RANBP2: variants seen among roughly 807,000 people sequenced by gnomAD.
The protein encoded by RANBP2 is E3 SUMO-protein ligase RanBP2.
RANBP2 carries 57 observed loss-of-function variants against 303.6 expected under a neutral mutation model. That is an observed-to-expected ratio of 0.19 (90% CI 0.15 to 0.23). The LOEUF is 0.23. Ranked by LOEUF, RANBP2 falls within the 10% of genes least tolerant of loss-of-function variation. The pLI, the probability that RANBP2 is intolerant of heterozygous loss-of-function variation, is 1.00. For synonymous variants in RANBP2, 1,167 were observed against 1,301.5 expected, an observed-to-expected ratio of 0.90 and a Z score of 2.23; for missense variants, 3,138 against 3,780.8, an observed-to-expected ratio of 0.83 and a Z score of 4.46.
the RANBP2 span, among the ~76,000 whole-genome samples, chr2:109,183,143 C>T: frequency 6.6e-6 from 1 of 152,204 alleles, no homozygotes; most frequent in African/African-American, 2.4e-5. Context: ...CTGTCCAGCA[C>T]TGTCCAAAAC....
chr2:109,482,361 A>G, the RANBP2 span, among the ~76,000 whole-genome samples: 2 of 152,168 alleles, frequency 1.3e-5, no homozygotes, highest in African/African-American at 2.4e-5. Context: ...CAGTTCAGGA[A>G]CTTGTTCAAG....
the RANBP2 span, among the ~76,000 whole-genome samples, chr2:109,594,505 C>T: frequency 6.6e-6 from 1 of 152,122 alleles, no homozygotes; most frequent in Non-Finnish European, 1.5e-5. Context: ...GACTGTTTCG[C>T]AGTAGTATTT....
At chr2:109,359,627 T>G in the RANBP2 span, among the ~76,000 whole-genome samples, 1 of 152,192 alleles carries the variant, frequency 6.6e-6, no homozygotes. Context: ...GCATCACTAA[T>G]CTGGAAACTT....
At chr2:109,620,039 C>T in the RANBP2 span, among the ~76,000 whole-genome samples, 1 of 152,140 alleles carries the variant, frequency 6.6e-6, no homozygotes, top group Non-Finnish European at 1.5e-5. Context: ...TCAGTTTCAT[C>T]TCAGTAAGTA....
chr2:109,088,172 G>A, the RANBP2 span, among the ~76,000 whole-genome samples: 1 of 152,054 alleles, frequency 6.6e-6, no homozygotes, highest in African/African-American at 2.4e-5. Flanking sequence ...GCCGAGGTGG[G>A]CGGATCACAA....
At chr2:109,233,123 T>G in the RANBP2 span, among the ~76,000 whole-genome samples, 3 of 152,184 alleles carry the variant, frequency 2.0e-5, no homozygotes, top group Non-Finnish European at 4.4e-5. Context: ...TAATGCTCCT[T>G]TAGCAGTTGC....
the RANBP2 span, among the ~76,000 whole-genome samples, chr2:109,674,221 T>C: frequency 6.6e-6 from 1 of 151,826 alleles, no homozygotes; most frequent in Non-Finnish European, 1.5e-5. Flanking sequence ...TTGAAGATAA[T>C]TGTGCTTGAA....
chr2:109,172,631 G>A, the RANBP2 span, among the ~76,000 whole-genome samples: 35 of 152,152 alleles, frequency 2.3e-4, no homozygotes, highest in Non-Finnish European at 4.1e-4. Context: ...TCACCTCTCC[G>A]GAGCCCATAG....
chr2:109,047,372 T>G, the RANBP2 span, among the ~76,000 whole-genome samples: 1 of 152,178 alleles, frequency 6.6e-6, no homozygotes, highest in South Asian at 2.1e-4. Flanking sequence ...TACAAGAAAC[T>G]AACACATCTT....
the RANBP2 span, among the ~76,000 whole-genome samples, chr2:109,766,583 G>A: frequency 2.7e-5 from 4 of 150,550 alleles, 1 homozygote; most frequent in South Asian, 8.6e-4. Context: ...TGAAAATGTA[G>A]GAGGGTTTTA....
the RANBP2 span, among the ~76,000 whole-genome samples, chr2:109,394,360 G>T: frequency 1.3e-5 from 2 of 152,100 alleles, no homozygotes; most frequent in Non-Finnish European, 2.9e-5. Flanking sequence ...CTGTCCCATG[G>T]ACAAGACTGC....
chr2:109,705,147 G>T, the RANBP2 span, among the ~76,000 whole-genome samples: 1 of 151,456 alleles, frequency 6.6e-6, no homozygotes, highest in Non-Finnish European at 1.5e-5. Flanking sequence ...GCTCATGCCT[G>T]TAATCCCACC....
At chr2:108,802,799 G>T in the RANBP2 span, among the ~76,000 whole-genome samples, 1 of 151,818 alleles carries the variant, frequency 6.6e-6, no homozygotes, top group African/African-American at 2.4e-5. Context: ...TTTGAAATAC[G>T]TCCCATCAAT....
chr2:108,815,779 T>A, the RANBP2 span: 3 of 226,182 alleles, frequency 1.3e-5, no homozygotes, highest in Non-Finnish European at 2.2e-5. Context: ...TGGGGAGGTT[T>A]GATTTGGAAT....
chr2:109,550,953 A>C, the RANBP2 span, among the ~76,000 whole-genome samples: 1 of 152,372 alleles, frequency 6.6e-6, no homozygotes, highest in African/African-American at 2.4e-5. Flanking sequence ...ATAGACAGAC[A>C]TATCAAATTG....
At chr2:109,733,180 GAA>G in the RANBP2 span, 16,016 of 288,200 alleles carry the variant, frequency 0.056, 2 homozygotes, top group South Asian at 0.088. Context: ...TAGGTCAAAT[GAA>G]AAAAAAAAAA....
chr2:109,587,239 T>C, the RANBP2 span, among the ~76,000 whole-genome samples: 1 of 152,006 alleles, frequency 6.6e-6, no homozygotes, highest in Non-Finnish European at 1.5e-5. Context: ...AAATGCAACA[T>C]CTGAAGTAAA....
the RANBP2 span, among the ~76,000 whole-genome samples, chr2:109,123,319 T>TTTCCTTCCTTCCTTCCTTCC: frequency 3.1e-5 from 4 of 129,940 alleles, no homozygotes; most frequent in African/African-American, 6.0e-5. Flanking sequence ...CTTTTCTTTC[T>TTTCCTTCCTTCCTTCCTTCC]TTCCTTCCTT....
chr2:108,795,576 A>G, the RANBP2 span, among the ~76,000 whole-genome samples: 1 of 152,210 alleles, frequency 6.6e-6, no homozygotes, highest in Non-Finnish European at 1.5e-5. Flanking sequence ...ATAGTTAAGC[A>G]TTTCTTTAAA....
Sources: gnomAD v4.1 joint callset for allele counts (sites outside exome capture counted in the v4.1 genomes callset) on GRCh38, gnomAD v4.1.1 for gene constraint, MANE v1.5 for transcripts, NCBI Gene and HGNC (gene_info 2026-07-23, HGNC 2026-07-21) for gene names.